Variants in TBC1D31 observed in about 807,000 individuals in gnomAD.
TBC1D31 encodes WD repeat domain 67.
In TBC1D31, 99 loss-of-function variants were observed where a neutral mutation model predicts 132.9. The ratio of observed to expected loss-of-function variants is 0.74; its 90% CI spans 0.63 to 0.88. The LOEUF (loss-of-function observed/expected upper bound fraction) is 0.88, where lower values mean the gene tolerates loss of function less well. Among genes scored for constraint, TBC1D31 ranks in the 40% least tolerant of loss-of-function variants. The pLI, the probability that TBC1D31 is intolerant of heterozygous loss-of-function variation, is 0.00. For synonymous variants in TBC1D31, 385 were observed against 419.4 expected (o/e 0.92, Z 1.00); for missense variants, 1,134 against 1,256.6 (o/e 0.90, Z 1.48).
chr8:123,090,630 A>G (rs1180236533), intron 4 of TBC1D31, among the ~76,000 whole-genome samples: 1 of 151,970 alleles, frequency 6.6e-6, no homozygotes, highest in Non-Finnish European at 1.5e-5. Context: ...AGTATCCTAA[A>G]CTCTTTAAAC....
chr8:123,125,927 TAAAG>T (rs1298143734), intron 11 of TBC1D31, 125 bp from the exon 12 acceptor site: 10 of 672,708 alleles, frequency 1.5e-5, no homozygotes, highest in Non-Finnish European at 2.2e-5. Flanking sequence ...TCATACAATA[TAAAG>T]AGTTTTTTTT....
intron 1 of TBC1D31, 131 bp downstream of exon 1, chr8:123,072,977 C>A (rs1275114665): frequency 3.5e-6 from 3 of 868,582 alleles, no homozygotes; most frequent in Non-Finnish European, 5.4e-6. Flanking sequence ...GGATGACCTG[C>A]GGTGGAACAG....
rs141415400 is a variant in TBC1D31, at chr8:123,100,931, G to A, written c.956G>A (p.Arg319Gln). The A allele has an allele frequency of 1.7e-5, 28 of 1,613,736 alleles. No homozygotes were observed. In the African/African-American group the frequency reaches 1.9e-4, roughly 11 times the overall value. Residue 319 changes from arginine (R) to glutamine (Q), a missense_variant, in exon 7 of 22, where the codon CGG becomes CAG. Transcript: ENST00000287380. ...TCATCAGCAATTAGCCCACATGGAC[G>A]GTACATTGCATCTATTATGGAAAAT... is the stretch of plus-strand genomic sequence containing the variant. ...ISSSAISPHGRYIASIMENGS... is the reference protein window; with the variant it reads ...ISSSAISPHGQYIASIMENGS...
At chr8:123,118,008 T>C (rs1462991069) in intron 10 of TBC1D31, among the ~76,000 whole-genome samples, 1 of 152,232 alleles carries the variant, frequency 6.6e-6, no homozygotes. Flanking sequence ...TCCAAAAATA[T>C]GTAACCTCAT....
rs1429441127 is a variant in TBC1D31 at position 123,128,317 on chromosome 8, G to A, written c.1921G>A (p.Val641Ile). Residue 641 changes from valine to isoleucine, a missense_variant, in exon 14 of 22, where the codon GTT becomes ATT. Transcript: ENST00000287380. ...CCATCGGAATAACCTGGATATAAATGTTGTGATTAGACAAGTTTATCATCT... is the reference window on the plus strand; with the variant it reads ...CCATCGGAATAACCTGGATATAAATATTGTGATTAGACAAGTTTATCATCT... ...FHHRNNLDIN[V>I]VIRQVYHLME... 2.5e-6 allele frequency: 4 copies of A among 1,611,134 alleles called. No individual in the cohort carries two copies. The highest frequency in any genetic ancestry group is 1.7e-6 in the Non-Finnish European group (2 of 1,177,796).
At chr8:123,082,918 T>A in intron 3 of TBC1D31, 101 bp downstream of exon 3, 1 of 728,336 alleles carries the variant, frequency 1.4e-6, no homozygotes, top group Non-Finnish European at 2.3e-6. Flanking sequence ...GCAGTCCCCA[T>A]GACAGCCCTC....
intron 4 of TBC1D31, among the ~76,000 whole-genome samples, chr8:123,086,972 C>A (rs1815829391): frequency 6.6e-6 from 1 of 152,210 alleles, no homozygotes; most frequent in Admixed American, 6.5e-5. Context: ...CTCGCCTGGT[C>A]TCCCAAAGTG....
chr8:123,131,363 C>CAAAAA (rs59929988), intron 16 of TBC1D31, among the ~76,000 whole-genome samples: 14 of 64,900 alleles, frequency 2.2e-4, no homozygotes, highest in Non-Finnish European at 2.6e-4. Flanking sequence ...GACTCAGTCT[C>CAAAAA]AAAAAAAAAA....
chr8:123,141,141 GACTT>G (rs1821622619), intron 18 of TBC1D31, among the ~76,000 whole-genome samples: 1 of 150,074 alleles, frequency 6.7e-6, no homozygotes, highest in Non-Finnish European at 1.5e-5. Flanking sequence ...AAGGAATAGT[GACTT>G]ACAAGAAAAT....
At chr8:123,082,672 T>A (rs1229758220) in intron 2 of TBC1D31, 30 bp from the exon 3 acceptor site, 1 of 1,442,594 alleles carries the variant, frequency 6.9e-7, no homozygotes, top group Non-Finnish European at 9.6e-7. Flanking sequence ...TGGAAGAATT[T>A]GTGATACTAA....
At position 123,105,471 on chromosome 8, in the gene TBC1D31, A is replaced by G. The variant is rs1194723715; in HGVS notation, c.1209+7A>G. 6.2e-7 allele frequency: 1 copy of G among 1,603,286 alleles called. No individual in the cohort carries two copies. The highest frequency in any genetic ancestry group is 2.2e-5 in the East Asian group (1 of 44,652). On this transcript the variant is annotated splice_region_variant and intron_variant, in intron 8 of 21. Transcript: ENST00000287380. ...TGATTTTGAAAGTAAAAAGGTAAGAATATTTGGTAATTAAACTTTGTCATG... is the reference window on the plus strand; with the variant it reads ...TGATTTTGAAAGTAAAAAGGTAAGAGTATTTGGTAATTAAACTTTGTCATG...
At chr8:123,073,311 C>T in intron 1 of TBC1D31, 1 of 457,442 alleles carries the variant, frequency 2.2e-6, no homozygotes, top group Middle Eastern at 3.3e-4. Flanking sequence ...TGTGTTTAGA[C>T]GCACAAGCAT....
At chr8:123,137,961 T>C (rs1821260186) in intron 17 of TBC1D31, among the ~76,000 whole-genome samples, 1 of 152,206 alleles carries the variant, frequency 6.6e-6, no homozygotes, top group South Asian at 2.1e-4. Context: ...AGTTTCCCTC[T>C]TTTCCCTTTG....
intron 6 of TBC1D31, among the ~76,000 whole-genome samples, chr8:123,098,584 A>T (rs1817060684): frequency 6.6e-6 from 1 of 152,210 alleles, no homozygotes; most frequent in Admixed American, 6.5e-5. Context: ...CACTGCGCCC[A>T]GTCTACCTTT....
chr8:123,143,456 C>G (rs144697996), intron 19 of TBC1D31, among the ~76,000 whole-genome samples: 2 of 152,148 alleles, frequency 1.3e-5, no homozygotes, highest in East Asian at 1.9e-4. Flanking sequence ...GGTTGATCCT[C>G]GCAAAGACTC....
chr8:123,136,587 A>G (rs1261309674), intron 17 of TBC1D31, among the ~76,000 whole-genome samples: 1 of 152,070 alleles, frequency 6.6e-6, no homozygotes, highest in African/African-American at 2.4e-5. Flanking sequence ...AGTAGCTGGG[A>G]TTACAGGTGC....
intron 20 of TBC1D31, among the ~76,000 whole-genome samples, chr8:123,149,407 C>T (rs981443084): frequency 2.6e-5 from 4 of 152,164 alleles, no homozygotes; most frequent in African/African-American, 9.7e-5. Flanking sequence ...AGCTTAGATG[C>T]TAGCGGTGGG....
intron 8 of TBC1D31, among the ~76,000 whole-genome samples, chr8:123,107,419 G>A (rs571884447): frequency 2.6e-4 from 39 of 152,184 alleles, no homozygotes; most frequent in South Asian, 1.9e-3. Flanking sequence ...TAATTATGCC[G>A]TTGATTTTCT....
the TBC1D31 span, among the ~76,000 whole-genome samples, chr8:123,157,977 GTGCCCTGTTGCACACT>G: frequency 6.6e-6 from 1 of 150,580 alleles, no homozygotes; most frequent in African/African-American, 2.4e-5. Context: ...CCTGTGGCCA[GTGCCCTGTTGCACACT>G]TGAGCTGCTT....
Sources: gnomAD v4.1 joint callset for allele counts (sites outside exome capture counted in the v4.1 genomes callset) on GRCh38, gnomAD v4.1.1 for gene constraint, MANE v1.5 for transcripts, NCBI Gene and HGNC (gene_info 2026-07-23, HGNC 2026-07-21) for gene names.